The following RPS6KA5 variants were observed in gnomAD, a reference collection of about 807,000 sequenced individuals.
The protein encoded by RPS6KA5 is ribosomal protein S6 kinase A5, also known as ribosomal protein S6 kinase alpha-5.
In RPS6KA5, 27 loss-of-function variants were observed where a neutral mutation model predicts 85.5. That is an observed-to-expected ratio of 0.32 (90% CI 0.23 to 0.44). The LOEUF (loss-of-function observed/expected upper bound fraction) is 0.44, where lower values mean the gene tolerates loss of function less well. RPS6KA5 is among the 20% of genes least tolerant of loss of function. The pLI, the probability that RPS6KA5 is intolerant of heterozygous loss-of-function variation, is 1.00. For synonymous variants in RPS6KA5, 334 were observed against 348.2 expected (o/e 0.96, Z 0.46); for missense variants, 811 against 980.9 (o/e 0.83, Z 2.31).
intron 1 of RPS6KA5, among the ~76,000 whole-genome samples, chr14:91,050,239 G>C (rs2043018258): frequency 6.6e-6 from 1 of 152,114 alleles, no homozygotes; most frequent in Admixed American, 6.5e-5. Flanking sequence ...AAATTAGCCA[G>C]GCATGGTGGT....
chr14:90,922,908 T>C (rs959348688), intron 6 of RPS6KA5, among the ~76,000 whole-genome samples: 1 of 152,098 alleles, frequency 6.6e-6, no homozygotes, highest in Non-Finnish European at 1.5e-5. Flanking sequence ...ATCTAGAATG[T>C]CCTAACCTTT....
intron 1 of RPS6KA5, chr14:91,059,991 G>C (rs2043570720): frequency 2.1e-6 from 2 of 970,928 alleles, no homozygotes; most frequent in South Asian, 4.8e-5. Context: ...CTTTCGCCCT[G>C]ACAGGACGCA....
At chr14:91,047,583 T>C (rs2042926579) in intron 1 of RPS6KA5, among the ~76,000 whole-genome samples, 1 of 152,236 alleles carries the variant, frequency 6.6e-6, no homozygotes, top group African/African-American at 2.4e-5. Flanking sequence ...TAGTCACCCA[T>C]ATCTTGGGGC....
At chr14:91,009,236 G>C (rs563671820) in intron 1 of RPS6KA5, among the ~76,000 whole-genome samples, 1 of 152,318 alleles carries the variant, frequency 6.6e-6, no homozygotes, top group South Asian at 2.1e-4. Context: ...TCATGGATGG[G>C]ATTAGTGCTC....
At chr14:91,044,392 G>GGAAAGAAAGAAAGAAA (rs71461930) in intron 1 of RPS6KA5, among the ~76,000 whole-genome samples, 11 of 55,174 alleles carry the variant, frequency 2.0e-4, no homozygotes, top group South Asian at 5.8e-4. Context: ...AAAGAAAGAA[G>GGAAAGAAAGAAAGAAA]GAAAGAAAGA....
intron 14 of RPS6KA5, among the ~76,000 whole-genome samples, chr14:90,885,354 G>A (rs1291878601): frequency 6.6e-6 from 1 of 151,108 alleles, no homozygotes; most frequent in Non-Finnish European, 1.5e-5. Flanking sequence ...AGATCGAGAG[G>A]CATCCTGGCC....
At chr14:90,924,076 T>A (rs1311957949) in intron 5 of RPS6KA5, among the ~76,000 whole-genome samples, 1 of 152,130 alleles carries the variant, frequency 6.6e-6, no homozygotes, top group Non-Finnish European at 1.5e-5. Flanking sequence ...TGATAGGGTA[T>A]ACATTAATAA....
At chr14:90,907,144 C>A (rs890467011) in intron 7 of RPS6KA5, among the ~76,000 whole-genome samples, 4 of 152,086 alleles carry the variant, frequency 2.6e-5, no homozygotes. Context: ...AAATTAAGAA[C>A]CTTAACACAA....
chr14:90,883,495 T>G (rs1353095855), intron 14 of RPS6KA5, among the ~76,000 whole-genome samples: 1 of 152,222 alleles, frequency 6.6e-6, no homozygotes, highest in Non-Finnish European at 1.5e-5. Context: ...TCAGGTTTTC[T>G]ATCTCTTTAC....
Position 90,900,738 on chromosome 14 carries a change from T to C in RPS6KA5, c.1120-2A>G. On this transcript the variant is annotated splice_acceptor_variant, in intron 9 of 16. Coordinates refer to ENST00000614987, the MANE Select transcript of RPS6KA5 (RefSeq NM_004755.4). LOFTEE classifies it high-confidence loss of function. ...GGAAGGAGCAACAAAGGAATAGCCC[T>C]AAAAACAAGACAAAGAAAGATAAAG... The C allele has an allele frequency of 6.2e-7, 1 of 1,607,622 alleles. No homozygotes were observed. Among genetic ancestry groups the C allele is most frequent in the Non-Finnish European group, 8.5e-7 (1 of 1,177,612 alleles).
At chr14:90,880,912 C>G (rs762986350) in intron 14 of RPS6KA5, among the ~76,000 whole-genome samples, 1 of 150,924 alleles carries the variant, frequency 6.6e-6, no homozygotes, top group African/African-American at 2.4e-5. Flanking sequence ...CGATTCACTG[C>G]AGCCTTGACC....
chr14:90,978,908 G>A (rs1335423518), intron 2 of RPS6KA5, among the ~76,000 whole-genome samples: 1 of 152,040 alleles, frequency 6.6e-6, no homozygotes, highest in Non-Finnish European at 1.5e-5. Context: ...TATTACTGAT[G>A]TAGACAAATG....
chr14:90,923,067 T>C (rs369756968), intron 6 of RPS6KA5, 46 bp downstream of exon 6: 61 of 1,386,086 alleles, frequency 4.4e-5, no homozygotes, highest in Admixed American at 2.6e-4. Flanking sequence ...ATTCTTATAG[T>C]ACATTTTATA....
chr14:91,049,259 A>G, intron 1 of RPS6KA5, among the ~76,000 whole-genome samples: 1 of 152,200 alleles, frequency 6.6e-6, no homozygotes, highest in East Asian at 1.9e-4. Context: ...AATGTATCCT[A>G]TAAACAAAAG....
chr14:91,001,505 T>C (rs1269062644), intron 1 of RPS6KA5, among the ~76,000 whole-genome samples: 1 of 152,168 alleles, frequency 6.6e-6, no homozygotes, highest in Non-Finnish European at 1.5e-5. Flanking sequence ...ACTGGATGGA[T>C]TGAGAAGATG....
At chr14:90,916,201 T>C (rs1487159520) in intron 7 of RPS6KA5, among the ~76,000 whole-genome samples, 1 of 152,170 alleles carries the variant, frequency 6.6e-6, no homozygotes, top group Non-Finnish European at 1.5e-5. Context: ...TTAATGAACA[T>C]GGCTTCCTTA....
chr14:90,972,618 C>CA (rs1368073648), intron 3 of RPS6KA5, among the ~76,000 whole-genome samples: 1 of 152,064 alleles, frequency 6.6e-6, no homozygotes, highest in African/African-American at 2.4e-5. Flanking sequence ...GTTCTCTATG[C>CA]AAAAAATAAA....
intron 3 of RPS6KA5, among the ~76,000 whole-genome samples, chr14:90,966,975 T>C (rs1257479026): frequency 6.6e-6 from 1 of 152,218 alleles, no homozygotes; most frequent in Non-Finnish European, 1.5e-5. Flanking sequence ...TTCAGACTTA[T>C]TCTGTTTACA....
intron 3 of RPS6KA5, among the ~76,000 whole-genome samples, chr14:90,950,734 T>C (rs925401172): frequency 1.6e-4 from 25 of 152,222 alleles, no homozygotes; most frequent in African/African-American, 5.5e-4. Flanking sequence ...CTGTGATAGA[T>C]TCCACTTGGC....
Sources: allele counts gnomAD v4.1 joint callset (sites outside exome capture counted in the v4.1 genomes callset), GRCh38; gene constraint gnomAD v4.1.1; transcripts MANE v1.5; gene names NCBI Gene and HGNC (gene_info 2026-07-23, HGNC 2026-07-21).